HMG20B: variants seen among roughly 807,000 people sequenced by gnomAD.
HMG20B encodes SWI/SNF-related matrix-associated actin-dependent regulator of chromatin subfamily E member 1-related.
A neutral mutation model predicts 41.6 loss-of-function variants in HMG20B; 24 were observed. The observed-to-expected ratio is 0.58, with a 90% confidence interval of 0.42 to 0.81. The LOEUF is 0.81. HMG20B is among the 30% of genes least tolerant of loss of function. HMG20B has a pLI of 0.00. For missense variants in HMG20B, 461 were observed against 444.0 expected (o/e 1.04, Z -0.34); for synonymous variants, 251 against 186.6 (o/e 1.34, Z -2.81).
intron 8 of HMG20B, among the ~76,000 whole-genome samples, chr19:3,577,508 A>G (rs1449436839): frequency 7.4e-5 from 1 of 13,508 alleles, no homozygotes; most frequent in Non-Finnish European, 1.4e-4. Flanking sequence ...TACCGGCCCC[A>G]CCGTCGCTGG....
chr19:3,575,502 G>T lies in HMG20B; in HGVS notation c.352-38G>T, dbSNP rs552365878. On this transcript the variant is annotated intron_variant, in intron 4 of 9. Transcript: ENST00000333651. ...TAAAGACTGGATCCTGGCGTTGGAG[G>T]CTTCCCCTGCTTCAAGCCTTCTGGT... 58 of 1,556,776 alleles carry T rather than the reference G, an allele frequency of 3.7e-5. No individual in the cohort carries two copies. In the East Asian group the frequency reaches 1.3e-3, roughly 36 times the overall value.
intron 8 of HMG20B, among the ~76,000 whole-genome samples, chr19:3,577,779 C>T (rs2145258990): frequency 6.6e-6 from 1 of 151,130 alleles, no homozygotes; most frequent in Non-Finnish European, 1.5e-5. Flanking sequence ...CGCTCTAGCC[C>T]CGCGTCCCCA....
rs2032080744 is a variant in HMG20B at position 3,573,281 on chromosome 19, C to T, written c.-18-11C>T. On this transcript the variant is annotated splice_polypyrimidine_tract_variant and intron_variant, in intron 1 of 9. Transcript: ENST00000333651. Reference sequence around the variant, plus strand: ...GGGCGCTACTCACCTCCGCCCGCGTCCGTGTTCCAGGTCCGGCCCGGAGCG... The same window carrying T: ...GGGCGCTACTCACCTCCGCCCGCGTTCGTGTTCCAGGTCCGGCCCGGAGCG... 1 of 1,519,680 alleles carries T rather than the reference C, an allele frequency of 6.6e-7. No homozygotes were observed. Among genetic ancestry groups the T allele is most frequent in the Admixed American group, 2.0e-5 (1 of 49,564 alleles). 94.1% of individuals were successfully genotyped at this position (1,519,680 alleles called of 1,614,324 possible).
intron 8 of HMG20B, 48 bp downstream of exon 8, chr19:3,577,155 G>A (rs1182958480): frequency 8.7e-7 from 1 of 1,153,928 alleles, no homozygotes; most frequent in Non-Finnish European, 1.1e-6. Context: ...ACCCGGCCCC[G>A]CCCGCCTCCC....
intron 9 of HMG20B, 56 bp from the exon 10 acceptor site, chr19:3,578,453 G>A (rs377088997): frequency 1.4e-6 from 2 of 1,472,006 alleles, no homozygotes; most frequent in South Asian, 1.4e-5. Context: ...CCCAGGGCCG[G>A]GGTGGGGGCC....
chr19:3,574,127 A>T, intron 3 of HMG20B: 2 of 619,664 alleles, frequency 3.2e-6, no homozygotes, highest in Admixed American at 5.8e-5. Context: ...CACGCCCACA[A>T]CCGAAGTCAA....
At chr19:3,578,220 C>A in intron 9 of HMG20B, 107 bp downstream of exon 9, 1 of 1,451,962 alleles carries the variant, frequency 6.9e-7, no homozygotes, top group Non-Finnish European at 9.3e-7. Flanking sequence ...CCGCAGCTTA[C>A]TAGAGATCAC....
rs748624455 is a variant in HMG20B at position 3,576,545 on chromosome 19, C to G, written c.520-8C>G. 4 of 1,611,172 alleles carry G rather than the reference C, an allele frequency of 2.5e-6. No individual in the cohort carries two copies. The highest frequency in any genetic ancestry group is 3.4e-6 in the Non-Finnish European group (4 of 1,178,296). ...CCAGTAAATTGCCACCTTGTCCCTT[C>G]GTCTTAGGGTGGGGACTGCGATGGC... On this transcript the variant is annotated splice_polypyrimidine_tract_variant and splice_region_variant and intron_variant, in intron 6 of 9. Transcript: ENST00000333651.
chr19:3,576,455 C>A, intron 6 of HMG20B, 98 bp from the exon 7 acceptor site: 2 of 1,348,378 alleles, frequency 1.5e-6, no homozygotes, highest in Non-Finnish European at 1.1e-6. Flanking sequence ...GTACTCCCAC[C>A]GGGGTGTCCC....
At chr19:3,574,629 G>A (rs747011038) in intron 4 of HMG20B, 43 bp downstream of exon 4, 105 of 1,519,018 alleles carry the variant, frequency 6.9e-5, no homozygotes, top group Admixed American at 1.6e-4. Context: ...GGGGTCCACG[G>A]ACTACCCCCC....
intron 4 of HMG20B, 114 bp from the exon 5 acceptor site, chr19:3,575,426 G>T: frequency 6.7e-7 from 1 of 1,493,062 alleles, no homozygotes; most frequent in Non-Finnish European, 9.0e-7. Flanking sequence ...GGAGGGAATA[G>T]GGAGCTATAG....
intron 3 of HMG20B, 55 bp from the exon 4 acceptor site, chr19:3,574,328 A>C: frequency 5.8e-5 from 70 of 1,212,774 alleles, no homozygotes; most frequent in Non-Finnish European, 7.7e-5. Flanking sequence ...TGCCCCTCTG[A>C]GCCCTGCCCC....
intron 5 of HMG20B, chr19:3,575,943 C>CAA (rs71166913): frequency 0.034 from 9,898 of 288,510 alleles, 347 homozygotes; most frequent in African/African-American, 0.15. Flanking sequence ...GACTCCGTCT[C>CAA]AAAAAAAAAA....
intron 8 of HMG20B, 125 bp from the exon 9 acceptor site, chr19:3,577,856 C>T: frequency 4.8e-6 from 4 of 841,528 alleles, no homozygotes; most frequent in Non-Finnish European, 7.2e-6. Context: ...CGCTCCTGCG[C>T]TGGCGGTGTC....
At position 3,575,210 on chromosome 19, in the gene HMG20B, CTG is replaced by C. The variant is rs1470780011; in HGVS notation, c.352-328_352-327del. On this transcript the variant is annotated intron_variant, in intron 4 of 9. Transcript: ENST00000333651. ...CAAAAGCCATCACTGCTTTGCATCCCTGTAAGTGAGATTTCAAAGAGAGAAAC... is the reference window on the plus strand; with the variant it reads ...CAAAAGCCATCACTGCTTTGCATCCCTAAGTGAGATTTCAAAGAGAGAAAC... Among the ~76,000 whole-genome samples, 3 of 152,306 alleles carry C rather than the reference CTG, an allele frequency of 2.0e-5. No individual in the cohort carries two copies. The South Asian group carries it at 6.2e-4, about 32-fold the overall frequency.
At position 3,573,340 on chromosome 19, in the gene HMG20B, G is replaced by A; in HGVS notation, c.31G>A (p.Ala11Thr). 2 of 1,535,386 alleles carry A rather than the reference G, an allele frequency of 1.3e-6. No homozygotes were observed. The highest frequency in any genetic ancestry group is 1.2e-5 in the South Asian group (1 of 83,094). The change falls in exon 2 of 10, where the codon GCC (alanine) becomes ACC (threonine). Residue 11 changes from alanine (A) to threonine (T), a missense_variant. Transcript: ENST00000333651. Reference protein sequence around the residue: MSHGPKQPGAAAAPAGGKAPG... With the variant: MSHGPKQPGATAAPAGGKAPG... ...CCACGGCCCCAAGCAGCCCGGCGCG[G>A]CCGCCGCGTGAGTGCACTGATCCCC...
At position 3,578,638 on chromosome 19, in the gene HMG20B, T is replaced by C. The variant is rs891266728; in HGVS notation, c.*117T>C. 1 of 1,310,942 alleles carries C rather than the reference T, an allele frequency of 7.6e-7. No individual in the cohort carries two copies. The highest frequency in any genetic ancestry group is 1.1e-6 in the Non-Finnish European group (1 of 928,772). 81.2% of individuals were successfully genotyped at this position (1,310,942 alleles called of 1,614,324 possible). A position where few individuals can be genotyped will look rare whatever the true frequency, so the allele number is the denominator to read the frequency against. ...TGGGGCCTGGTCCCATCCTGCACCTTGGGGGCTCCAGCCCCCCTAAAATTA... is the reference window on the plus strand; with the variant it reads ...TGGGGCCTGGTCCCATCCTGCACCTCGGGGGCTCCAGCCCCCCTAAAATTA... On this transcript the variant is annotated 3_prime_UTR_variant, in exon 10 of 10. Coordinates refer to ENST00000333651, the MANE Select transcript of HMG20B (RefSeq NM_006339.3).
chr19:3,578,348 G>T, intron 9 of HMG20B, 161 bp from the exon 10 acceptor site: 1 of 1,207,894 alleles, frequency 8.3e-7, no homozygotes, highest in Non-Finnish European at 1.1e-6. Context: ...AGCTTCTCAG[G>T]GTGGATCCCA....
intron 1 of HMG20B, 53 bp downstream of exon 1, chr19:3,573,047 T>G (rs1599852954): frequency 6.8e-6 from 3 of 439,768 alleles, no homozygotes; most frequent in Non-Finnish European, 1.2e-5. Flanking sequence ...GGTGCAGGGG[T>G]CCCAGGGCCG....
Sources: gnomAD v4.1 joint callset for allele counts (sites outside exome capture counted in the v4.1 genomes callset) on GRCh38, gnomAD v4.1.1 for gene constraint, MANE v1.5 for transcripts, NCBI Gene and HGNC (gene_info 2026-07-23, HGNC 2026-07-21) for gene names.